PLCL1: variants seen among roughly 807,000 people sequenced by gnomAD.
The protein encoded by PLCL1 is inactive phospholipase C-like protein 1.
In PLCL1, 41 loss-of-function variants were observed where a neutral mutation model predicts 84.4. That is an observed-to-expected ratio of 0.49 (90% CI 0.38 to 0.63). The LOEUF is 0.63. PLCL1 is among the 30% of genes least tolerant of loss of function. PLCL1 has a pLI of 0.00. For missense variants in PLCL1, 1,206 were observed against 1,367.8 expected (o/e 0.88, Z 1.87); for synonymous variants, 490 against 488.3 (o/e 1.00, Z -0.05).
chr2:197,981,863 A>C (rs1277914686), intron 1 of PLCL1, among the ~76,000 whole-genome samples: 1 of 152,212 alleles, frequency 6.6e-6, no homozygotes. Context: ...AGGAGAGGCC[A>C]GCTGTCTTAT....
At chr2:197,880,658 T>A (rs1040449073) in intron 1 of PLCL1, among the ~76,000 whole-genome samples, 3 of 152,204 alleles carry the variant, frequency 2.0e-5, no homozygotes, top group African/African-American at 7.2e-5. Flanking sequence ...GAGTCTAGAA[T>A]GAACAACATT....
At chr2:197,920,757 T>C (rs1688685345) in intron 1 of PLCL1, among the ~76,000 whole-genome samples, 1 of 152,246 alleles carries the variant, frequency 6.6e-6, no homozygotes, top group Non-Finnish European at 1.5e-5. Flanking sequence ...TATAACTTTG[T>C]TGCAGCTGTT....
chr2:198,064,030 A>G (rs1302871613), intron 1 of PLCL1, among the ~76,000 whole-genome samples: 3 of 152,172 alleles, frequency 2.0e-5, no homozygotes, highest in Non-Finnish European at 2.9e-5. Flanking sequence ...GTACATAGCT[A>G]TGGGATTTCT....
intron 1 of PLCL1, among the ~76,000 whole-genome samples, chr2:197,858,367 C>A (rs1370172833): frequency 1.3e-5 from 2 of 152,150 alleles, no homozygotes; most frequent in East Asian, 3.9e-4. Flanking sequence ...CGAATCAAGC[C>A]CTCCAAAGGG....
chr2:197,906,513 T>C lies in PLCL1; in HGVS notation c.240+101174T>C, dbSNP rs768748036. Among the ~76,000 whole-genome samples, 96 of 152,318 alleles carry C rather than the reference T, an allele frequency of 6.3e-4. 1 individual carries two copies. Among genetic ancestry groups the C allele is most frequent in the Middle Eastern group, 3.4e-3 (1 of 294 alleles). On this transcript the variant is annotated intron_variant, in intron 1 of 5. Coordinates refer to ENST00000428675, the MANE Select transcript of PLCL1 (RefSeq NM_006226.4). ...GGTAGCATGATGCCTCCAGCTTTGT[T>C]CTTTTTGCTTAGGATTGTCTTGGCT... is the stretch of plus-strand genomic sequence containing the variant.
intron 1 of PLCL1, among the ~76,000 whole-genome samples, chr2:197,895,484 G>A (rs749861372): frequency 1.8e-4 from 28 of 151,786 alleles, no homozygotes; most frequent in Admixed American, 1.1e-3. Flanking sequence ...GTCAAGGAGC[G>A]CTACTTTCCT....
At chr2:198,064,195 G>C (rs1490247453) in intron 1 of PLCL1, among the ~76,000 whole-genome samples, 1 of 152,100 alleles carries the variant, frequency 6.6e-6, no homozygotes, top group South Asian at 2.1e-4. Context: ...GTTAAGGATG[G>C]AGCAATTAAC....
intron 5 of PLCL1, among the ~76,000 whole-genome samples, chr2:198,111,097 G>C (rs758710314): frequency 6.6e-6 from 1 of 151,812 alleles, no homozygotes; most frequent in Non-Finnish European, 1.5e-5. Context: ...GGAAAATTTT[G>C]TTTTGTCTCT....
intron 5 of PLCL1, among the ~76,000 whole-genome samples, chr2:198,113,051 C>T (rs1014307353): frequency 7.2e-5 from 11 of 151,834 alleles, no homozygotes; most frequent in African/African-American, 2.7e-4. Context: ...ATTTAGAAGG[C>T]ATAGCATCTA....
At chr2:198,051,880 G>A (rs1012384558) in intron 1 of PLCL1, among the ~76,000 whole-genome samples, 3 of 151,444 alleles carry the variant, frequency 2.0e-5, no homozygotes, top group Admixed American at 6.6e-5. Context: ...CTACAGGCAT[G>A]TGCCACCACG....
At chr2:198,064,837 G>C (rs1282658697) in intron 1 of PLCL1, among the ~76,000 whole-genome samples, 3 of 152,158 alleles carry the variant, frequency 2.0e-5, no homozygotes, top group African/African-American at 2.4e-5. Flanking sequence ...TTGCAGACAA[G>C]AGAGCACCCA....
chr2:198,016,831 C>T (rs961030675), intron 1 of PLCL1, among the ~76,000 whole-genome samples: 2 of 152,174 alleles, frequency 1.3e-5, no homozygotes, highest in Admixed American at 6.5e-5. Context: ...AGACATGAAA[C>T]ATTTTATGCT....
At chr2:197,965,768 AT>A (rs1392280135) in intron 1 of PLCL1, among the ~76,000 whole-genome samples, 1 of 152,150 alleles carries the variant, frequency 6.6e-6, no homozygotes, top group East Asian at 1.9e-4. Context: ...TTTCAAAAAA[AT>A]TTTCAGTTTC....
rs769546690 is a variant in PLCL1 at position 198,032,405 on chromosome 2, G to A, written c.241-51353G>A. Among the ~76,000 whole-genome samples, 24 of 152,184 alleles carry A rather than the reference G, an allele frequency of 1.6e-4. 1 individual carries two copies. The highest frequency in any genetic ancestry group is 9.2e-4 in the Admixed American group (14 of 15,280). The stretch of plus-strand genomic sequence containing the variant: ...CTTCTGTTTGTCATCAGTGACAAGA[G>A]ATTGCCTCAGAAAGATAAAATAAGA... On this transcript the variant is annotated intron_variant, in intron 1 of 5. Transcript: ENST00000428675.
chr2:197,915,840 A>G (rs900056844), intron 1 of PLCL1, among the ~76,000 whole-genome samples: 1 of 152,190 alleles, frequency 6.6e-6, no homozygotes, highest in Non-Finnish European at 1.5e-5. Context: ...GAGATGAAGG[A>G]TGATTTCTTT....
Position 197,903,802 on chromosome 2 carries a change from C to CTT in PLCL1, c.240+98479_240+98480dup, listed in dbSNP as rs1232211481. 2.9e-4 allele frequency among the ~76,000 whole-genome samples: 30 copies of CTT among 104,512 alleles called. 1 individual carries two copies. The highest frequency in any genetic ancestry group is 6.0e-4 in the South Asian group (2 of 3,320). The allele number at this position is 104,512 out of a possible 152,430, so 68.6% of individuals were successfully genotyped here. A position where few individuals can be genotyped will look rare whatever the true frequency, so the allele number is the denominator to read the frequency against. On this transcript the variant is annotated intron_variant, in intron 1 of 5. Coordinates refer to ENST00000428675, the MANE Select transcript of PLCL1 (RefSeq NM_006226.4). ...ACAGGCGTGAGCCACAGTGCCCGGC[C>CTT]TTTTTTTTTTTTTTTTTGAGACAAA...
At chr2:198,089,852 G>A (rs1245760315) in intron 3 of PLCL1, among the ~76,000 whole-genome samples, 1 of 152,094 alleles carries the variant, frequency 6.6e-6, no homozygotes, top group Admixed American at 6.5e-5. Flanking sequence ...TTTAAAATAA[G>A]TTTTTAATTA....
At chr2:198,091,232 T>G (rs990102561) in intron 3 of PLCL1, among the ~76,000 whole-genome samples, 3 of 152,190 alleles carry the variant, frequency 2.0e-5, no homozygotes, top group African/African-American at 7.2e-5. Context: ...TAGGGACAGA[T>G]ACATGTAATG....
At chr2:198,042,052 G>A (rs958167984) in intron 1 of PLCL1, among the ~76,000 whole-genome samples, 1 of 152,162 alleles carries the variant, frequency 6.6e-6, no homozygotes, top group Admixed American at 6.5e-5. Context: ...CTCCTTTGGA[G>A]CTAGGGCAGC....
Sources: allele counts gnomAD v4.1 joint callset (sites outside exome capture counted in the v4.1 genomes callset), GRCh38; gene constraint gnomAD v4.1.1; transcripts MANE v1.5; gene names NCBI Gene and HGNC (gene_info 2026-07-23, HGNC 2026-07-21).